Variants in SGCZ observed in about 807,000 individuals in gnomAD.
SGCZ encodes the protein zeta-sarcoglycan.
Under a neutral mutation model 41.3 loss-of-function variants are expected in SGCZ, and 40 were observed. That is an observed-to-expected ratio of 0.97 (90% CI 0.75 to 1.26). The LOEUF (loss-of-function observed/expected upper bound fraction) is 1.26. Among genes scored for constraint, SGCZ ranks in the 50% most tolerant of loss-of-function variants. The pLI, the probability that SGCZ is intolerant of heterozygous loss-of-function variation, is 0.00. For missense variants in SGCZ, 552 were observed against 369.8 expected (o/e 1.49, Z -4.04); for synonymous variants, 206 against 137.5 (o/e 1.50, Z -3.49).
At position 14,098,907 on chromosome 8, in the gene SGCZ, T is replaced by C. The variant is rs377537255; in HGVS notation, c.744+3469A>G. Among the ~76,000 whole-genome samples, 66 of 152,262 alleles carry C rather than the reference T, an allele frequency of 4.3e-4. 2 individuals carry two copies. In the South Asian group the frequency reaches 0.013, roughly 31 times the overall value. On this transcript the variant is annotated intron_variant, in intron 7 of 7. Transcript: ENST00000382080. Reference sequence around the variant, plus strand: ...TGAGTGGCTTGCTTCAGCATAGCCATAATGGTGTTCTCTGGTTCTCCCATC... The same window carrying C: ...TGAGTGGCTTGCTTCAGCATAGCCACAATGGTGTTCTCTGGTTCTCCCATC...
chr8:15,104,787 A>T (rs1806757264), intron 1 of SGCZ, among the ~76,000 whole-genome samples: 1 of 152,218 alleles, frequency 6.6e-6, no homozygotes, highest in African/African-American at 2.4e-5. Context: ...CATATTATGG[A>T]TGTATCATAA....
intron 1 of SGCZ, among the ~76,000 whole-genome samples, chr8:15,086,918 G>T (rs1024993375): frequency 6.6e-6 from 1 of 151,992 alleles, no homozygotes; most frequent in African/African-American, 2.4e-5. Flanking sequence ...TATAAAGAAG[G>T]CATCCTTTTC....
intron 1 of SGCZ, among the ~76,000 whole-genome samples, chr8:14,972,051 A>G (rs1235906577): frequency 1.3e-5 from 2 of 152,044 alleles, no homozygotes; most frequent in Non-Finnish European, 2.9e-5. Flanking sequence ...GCTTCATAGA[A>G]TGAGTTGTAG....
chr8:14,445,245 G>A (rs369175374), intron 2 of SGCZ, among the ~76,000 whole-genome samples: 2 of 152,218 alleles, frequency 1.3e-5, no homozygotes, highest in Admixed American at 6.5e-5. Flanking sequence ...GAAACTCGCA[G>A]CCCAAAGTGG....
chr8:14,229,672 TA>T (rs1024586657), intron 4 of SGCZ, among the ~76,000 whole-genome samples: 9 of 151,498 alleles, frequency 5.9e-5, no homozygotes, highest in East Asian at 1.9e-4. Flanking sequence ...AAGAGTCAAT[TA>T]AAAAAAACAT....
intron 2 of SGCZ, among the ~76,000 whole-genome samples, chr8:14,396,503 T>C (rs1798924305): frequency 6.6e-6 from 1 of 152,026 alleles, no homozygotes; most frequent in African/African-American, 2.4e-5. Context: ...CTCCTAATAC[T>C]GTCACATTTA....
At chr8:14,127,162 T>A in intron 5 of SGCZ, among the ~76,000 whole-genome samples, 1 of 150,436 alleles carries the variant, frequency 6.6e-6, no homozygotes. Flanking sequence ...TAAAGTAAGA[T>A]AAAATTAAAA....
chr8:14,722,826 G>T (rs1809931069), intron 1 of SGCZ, among the ~76,000 whole-genome samples: 1 of 152,100 alleles, frequency 6.6e-6, no homozygotes, highest in Non-Finnish European at 1.5e-5. Flanking sequence ...GTGTTTTTAT[G>T]TATATTTATA....
intron 2 of SGCZ, among the ~76,000 whole-genome samples, chr8:14,374,305 G>A (rs1252482069): frequency 6.6e-6 from 1 of 152,108 alleles, no homozygotes; most frequent in African/African-American, 2.4e-5. Flanking sequence ...CCTGTGCCCA[G>A]GAGGTCACCA....
intron 1 of SGCZ, among the ~76,000 whole-genome samples, chr8:15,053,316 T>C (rs1339423430): frequency 6.6e-6 from 1 of 152,104 alleles, no homozygotes; most frequent in Non-Finnish European, 1.5e-5. Context: ...GATATAGTCG[T>C]CACTATATCT....
chr8:14,257,620 T>C (rs1344331427), intron 3 of SGCZ, among the ~76,000 whole-genome samples: 2 of 150,398 alleles, frequency 1.3e-5, no homozygotes, highest in African/African-American at 2.4e-5. Flanking sequence ...CTACTAATGC[T>C]ATCCCTCCCT....
intron 1 of SGCZ, among the ~76,000 whole-genome samples, chr8:14,818,517 A>T (rs1801973546): frequency 6.6e-6 from 1 of 152,182 alleles, no homozygotes; most frequent in Non-Finnish European, 1.5e-5. Context: ...GGAAACAGCA[A>T]ACACGAAAAG....
At chr8:15,232,758 T>A in intron 1 of SGCZ, among the ~76,000 whole-genome samples, 2 of 144,594 alleles carry the variant, frequency 1.4e-5, no homozygotes. Context: ...TATATACATA[T>A]ATATGTGTGT....
At chr8:14,447,969 A>C (rs1800480946) in intron 2 of SGCZ, among the ~76,000 whole-genome samples, 1 of 152,212 alleles carries the variant, frequency 6.6e-6, no homozygotes, top group Non-Finnish European at 1.5e-5. Context: ...TAAGAGCCCA[A>C]ACGGAAATGT....
intron 1 of SGCZ, among the ~76,000 whole-genome samples, chr8:14,747,705 T>TTGTGTGTGTGTG (rs59524830): frequency 7.3e-6 from 1 of 136,592 alleles, no homozygotes; most frequent in Non-Finnish European, 1.5e-5. Flanking sequence ...GTGTGTGTAT[T>TTGTGTGTGTGTG]TGTGTGTGTG....
At chr8:15,159,585 T>C (rs897262064) in intron 1 of SGCZ, among the ~76,000 whole-genome samples, 11 of 152,274 alleles carry the variant, frequency 7.2e-5, no homozygotes, top group Middle Eastern at 6.8e-3. Context: ...GCAGAACTGA[T>C]TGCTTGCCTG....
chr8:15,229,508 T>G (rs958067587), intron 1 of SGCZ, among the ~76,000 whole-genome samples: 1 of 152,162 alleles, frequency 6.6e-6, no homozygotes, highest in Non-Finnish European at 1.5e-5. Flanking sequence ...TTTATAAAAT[T>G]AAATGTAAAT....
intron 2 of SGCZ, among the ~76,000 whole-genome samples, chr8:14,342,698 G>C (rs559994781): frequency 1.3e-5 from 2 of 148,954 alleles, no homozygotes; most frequent in South Asian, 4.2e-4. Flanking sequence ...TCGGGAAGCA[G>C]AGCATAAAGG....
chr8:14,373,572 T>C (rs1803989763), intron 2 of SGCZ, among the ~76,000 whole-genome samples: 1 of 152,106 alleles, frequency 6.6e-6, no homozygotes, highest in South Asian at 2.1e-4. Flanking sequence ...AGGTAGAAAT[T>C]AAACAAAGTA....
Sources: gnomAD v4.1 joint callset for allele counts (sites outside exome capture counted in the v4.1 genomes callset) on GRCh38, gnomAD v4.1.1 for gene constraint, MANE v1.5 for transcripts, NCBI Gene and HGNC (gene_info 2026-07-23, HGNC 2026-07-21) for gene names.